The following ITIH6 variants were observed in gnomAD, a reference collection of about 807,000 sequenced individuals.
ITIH6 encodes the protein inter-alpha-trypsin inhibitor heavy chain family member 6, also known as inter-alpha-trypsin inhibitor heavy chain H6.
A neutral mutation model predicts 58.2 loss-of-function variants in ITIH6; 60 were observed. The observed-to-expected ratio is 1.03, with a 90% CI of 0.84 to 1.28. ITIH6 has a LOEUF of 1.28. Ranked by LOEUF, ITIH6 falls within the 50% of genes most tolerant of loss-of-function variation. The pLI is 0.00. For synonymous variants in ITIH6, 493 were observed against 417.4 expected, an observed-to-expected ratio of 1.18 and a Z score of -2.21; for missense variants, 1,290 against 1,021.1, an observed-to-expected ratio of 1.26 and a Z score of -3.59.
At chrX:54,753,053 TC>T (rs1258246360) in intron 11 of ITIH6, among the ~76,000 whole-genome samples, 1 of 112,565 alleles carries the variant, frequency 8.9e-6, no homozygotes, top group East Asian at 2.8e-4. Flanking sequence ...ACCGGAGAAT[TC>T]TCCACCATGA....
intron 6 of ITIH6, among the ~76,000 whole-genome samples, chrX:54,770,398 C>A (rs927801269): frequency 1.8e-5 from 2 of 112,797 alleles, no homozygotes; most frequent in African/African-American, 6.4e-5. Flanking sequence ...CATCTTGGCT[C>A]CTCCCCTTAA....
intron 2 of ITIH6, among the ~76,000 whole-genome samples, chrX:54,792,428 T>C (rs1929366936): frequency 8.9e-6 from 1 of 112,153 alleles, no homozygotes; most frequent in Non-Finnish European, 1.9e-5. Flanking sequence ...GTTTCTTAAA[T>C]TACAACTAGC....
chrX:54,787,196 A>C (rs891604870), intron 5 of ITIH6: 6 of 112,155 alleles, frequency 5.3e-5, no homozygotes, highest in African/African-American at 1.9e-4. Context: ...CTTGGCTCCT[A>C]TCCTGGCAGG....
chrX:54,780,984 A>G (rs1028003251), intron 5 of ITIH6, among the ~76,000 whole-genome samples: 2 of 111,664 alleles, frequency 1.8e-5, no homozygotes, highest in Non-Finnish European at 3.8e-5. Flanking sequence ...AAAAACAAGC[A>G]ATGAGGAAAG....
intron 11 of ITIH6, among the ~76,000 whole-genome samples, chrX:54,753,219 T>C (rs888278454): frequency 3.5e-5 from 4 of 113,059 alleles, no homozygotes; most frequent in Non-Finnish European, 7.5e-5. Flanking sequence ...CACCCAGTTT[T>C]CTTCATTTTT....
chrX:54,757,307 G>A lies in ITIH6; in HGVS notation c.2767C>T (p.Leu923Phe), dbSNP rs202008214. ...GPSSTTTTSVLGEPLPMPFTP... is the reference protein window; with the variant it reads ...GPSSTTTTSVFGEPLPMPFTP... ...AAGGGCATGGGGAGGGGTTCTCCAA[G>A]GACAGAGGTGGTTGTGGTACTGCTG... The change falls in exon 8 of 13, where the codon CTT (leucine) becomes TTT (phenylalanine). Residue 923 changes from leucine to phenylalanine, a missense_variant. By Grantham distance (22) the Leu-to-Phe change is conservative. Coordinates refer to ENST00000218436, the MANE Select transcript of ITIH6 (RefSeq NM_198510.3). 331 of 1,194,196 alleles carry A rather than the reference G, an allele frequency of 2.8e-4. No individual in the cohort carries two copies. The highest frequency in any genetic ancestry group is 3.6e-4 in the Non-Finnish European group (322 of 887,031).
chrX:54,755,687 G>A (rs1928470887), intron 8 of ITIH6, among the ~76,000 whole-genome samples: 1 of 110,241 alleles, frequency 9.1e-6, no homozygotes, highest in Non-Finnish European at 1.9e-5. Flanking sequence ...AAGTCCCTGA[G>A]TGGAGATGGG....
At chrX:54,782,641 T>C (rs1929169694) in intron 5 of ITIH6, among the ~76,000 whole-genome samples, 1 of 110,562 alleles carries the variant, frequency 9.0e-6, no homozygotes, top group Non-Finnish European at 1.9e-5. Flanking sequence ...CACTGCAGCA[T>C]GAAGAAATTC....
In ITIH6 at chrX:54,758,685, C is replaced by T; in HGVS notation, c.1389G>A (p.Lys463=). 8.3e-7 allele frequency: 1 copy of T among 1,211,877 alleles called. No individual in the cohort carries two copies. Among genetic ancestry groups the T allele is most frequent in the Non-Finnish European group, 1.1e-6 (1 of 895,475 alleles). The change falls in exon 8 of 13, where the codon AAG becomes AAA. Residue 463 remains lysine (K), a synonymous_variant. Coordinates refer to ENST00000218436, the MANE Select transcript of ITIH6 (RefSeq NM_198510.3). ...GCATGGAGATCTCCTCATAGAGGCC[C>T]TTCAGCTGTAGGGCCGCATCAGTGT... ...YEDTDAALQL[K]GLYEEISMPL... is the part of the protein sequence containing the mutation.
At chrX:54,781,978 C>T (rs984355160) in intron 5 of ITIH6, among the ~76,000 whole-genome samples, 1 of 111,590 alleles carries the variant, frequency 9.0e-6, no homozygotes, top group African/African-American at 3.3e-5. Flanking sequence ...AACTAACACA[C>T]GAACAGAAAA....
Position 54,751,350 on chromosome X carries a change from G to C in ITIH6, c.3383C>G (p.Ala1128Gly). 1 of 1,211,708 alleles carries C rather than the reference G, an allele frequency of 8.3e-7. No homozygotes were observed. The highest frequency in any genetic ancestry group is 1.1e-6 in the Non-Finnish European group (1 of 895,293). ...GTCCTTGTGGCCCGGCCTTGGTGGT[G>C]CGCCAAGCAGCTTCCCACTCACATG... is the stretch of plus-strand genomic sequence containing the variant. ...GLHVSGKLLG[A>G]PPRPGHKDQT... The change falls in exon 12 of 13, where the codon GCA becomes GGA. Residue 1128 changes from alanine (A) to glycine (G), a missense_variant. Ala to Gly is a moderately conservative substitution (Grantham distance 60, BLOSUM62 0). Coordinates refer to ENST00000218436, the MANE Select transcript of ITIH6 (RefSeq NM_198510.3).
At chrX:54,779,848 A>T (rs759130082) in intron 5 of ITIH6, among the ~76,000 whole-genome samples, 3 of 111,676 alleles carry the variant, frequency 2.7e-5, no homozygotes, top group African/African-American at 9.8e-5. Flanking sequence ...GAGATGGAAG[A>T]TGATATTCCA....
intron 12 of ITIH6, among the ~76,000 whole-genome samples, chrX:54,750,782 GT>G (rs1176639572): frequency 1.8e-5 from 2 of 111,601 alleles, no homozygotes; most frequent in African/African-American, 6.5e-5. Context: ...CCCCACTCTG[GT>G]TTTCTCTAGC....
intron 6 of ITIH6, 24 bp from the exon 7 acceptor site, chrX:54,759,951 G>A (rs371322465): frequency 3.4e-4 from 397 of 1,167,908 alleles, no homozygotes; most frequent in Non-Finnish European, 4.1e-4. Context: ...ATGAAATGAA[G>A]AGAATGGGAC....
intron 7 of ITIH6, 121 bp downstream of exon 7, chrX:54,759,634 AT>A (rs1361253238): frequency 5.5e-6 from 3 of 543,595 alleles, no homozygotes; most frequent in Non-Finnish European, 8.7e-6. Context: ...TTTGTGTGAA[AT>A]GTGGTCTTGA....
At chrX:54,759,311 C>A (rs746728192) in intron 7 of ITIH6, among the ~76,000 whole-genome samples, 3 of 111,451 alleles carry the variant, frequency 2.7e-5, no homozygotes, top group South Asian at 3.8e-4. Context: ...GGCTAGCACC[C>A]CCCCCTCCAA....
chrX:54,754,341 T>C, intron 9 of ITIH6, among the ~76,000 whole-genome samples: 1 of 112,161 alleles, frequency 8.9e-6, no homozygotes, highest in Non-Finnish European at 1.9e-5. Context: ...GTGTACACAC[T>C]CTGTAAAATC....
At position 54,758,632 on chromosome X, in the gene ITIH6, T is replaced by G. The variant is rs745741648; in HGVS notation, c.1442A>C (p.Tyr481Ser). The G allele has an allele frequency of 8.3e-7, 1 of 1,211,391 alleles. No homozygotes were observed. Among genetic ancestry groups the G allele is most frequent in the Non-Finnish European group, 1.1e-6 (1 of 895,362 alleles). ...MPLLADVRLN[Y>S]LGGLVGASPW... Reference sequence around the variant, plus strand: ...GGAGGCCCCAACCAAGCCACCCAGGTAGTTCAGACGCACATCTGCCAGCAG... The same window carrying G: ...GGAGGCCCCAACCAAGCCACCCAGGGAGTTCAGACGCACATCTGCCAGCAG... Residue 481 changes from tyrosine to serine, a missense_variant, in exon 8 of 13, where the codon TAC (tyrosine) becomes TCC (serine). Coordinates refer to ENST00000218436, the MANE Select transcript of ITIH6 (RefSeq NM_198510.3).
chrX:54,774,267 C>G, intron 5 of ITIH6, 70 bp from the exon 6 acceptor site: 1 of 540,481 alleles, frequency 1.9e-6, no homozygotes, highest in Non-Finnish European at 2.9e-6. Flanking sequence ...ATCAGGTCCC[C>G]TCTTATTTTC....
Sources: gnomAD v4.1 joint callset for allele counts (sites outside exome capture counted in the v4.1 genomes callset) on GRCh38, gnomAD v4.1.1 for gene constraint, MANE v1.5 for transcripts, NCBI Gene and HGNC (gene_info 2026-07-23, HGNC 2026-07-21) for gene names.